Variants in HHAT observed in about 807,000 individuals in gnomAD.
HHAT encodes the protein protein-cysteine N-palmitoyltransferase HHAT.
HHAT carries 47 observed loss-of-function variants against 70.8 expected under a neutral mutation model. That is an observed-to-expected ratio of 0.66 (90% CI 0.53 to 0.85). HHAT has a LOEUF of 0.85. Among genes scored for constraint, HHAT ranks in the 40% least tolerant of loss-of-function variants. The pLI is 0.00. For synonymous variants in HHAT, 228 were observed against 247.6 expected, an observed-to-expected ratio of 0.92 and a Z score of 0.74; for missense variants, 609 against 604.8, an observed-to-expected ratio of 1.01 and a Z score of -0.07.
intron 11 of HHAT, among the ~76,000 whole-genome samples, chr1:210,629,928 C>T (rs1440037274): frequency 4.0e-5 from 6 of 151,826 alleles, no homozygotes; most frequent in East Asian, 1.9e-4. Context: ...CTGCAACCTC[C>T]GCCTCCGGGG....
intron 11 of HHAT, among the ~76,000 whole-genome samples, chr1:210,656,730 C>T (rs12131415): frequency 0.045 from 6,922 of 152,248 alleles, 233 homozygotes; most frequent in Non-Finnish European, 0.069. Flanking sequence ...TATAAGAGCC[C>T]TTGCCCCATC....
chr1:210,653,126 G>A (rs1422264147), intron 11 of HHAT, among the ~76,000 whole-genome samples: 1 of 140,972 alleles, frequency 7.1e-6, no homozygotes, highest in Non-Finnish European at 1.6e-5. Context: ...GATCAAAACA[G>A]CTTTATACAT....
intron 7 of HHAT, among the ~76,000 whole-genome samples, chr1:210,423,580 T>C (rs1217607770): frequency 6.6e-6 from 1 of 152,218 alleles, no homozygotes; most frequent in African/African-American, 2.4e-5. Context: ...TTTGTTTATT[T>C]TTGCTTTTGT....
At chr1:210,660,776 C>T (rs1574071616) in intron 11 of HHAT, among the ~76,000 whole-genome samples, 1 of 152,254 alleles carries the variant, frequency 6.6e-6, no homozygotes, top group East Asian at 1.9e-4. Flanking sequence ...CTATAACCAT[C>T]TGATGTTTGA....
At chr1:210,488,397 CAT>C (rs1166340862) in intron 8 of HHAT, among the ~76,000 whole-genome samples, 1 of 152,218 alleles carries the variant, frequency 6.6e-6, no homozygotes. Context: ...TTCCCTAACA[CAT>C]GATATGCTCT....
At chr1:210,463,107 C>T (rs1466547277) in intron 7 of HHAT, 1 of 151,776 alleles carries the variant, frequency 6.6e-6, no homozygotes, top group African/African-American at 2.4e-5. Flanking sequence ...CCTCCTTACC[C>T]CACTAGACCT....
At chr1:210,658,013 TG>T (rs1475302183) in intron 11 of HHAT, among the ~76,000 whole-genome samples, 2 of 152,238 alleles carry the variant, frequency 1.3e-5, no homozygotes, top group Non-Finnish European at 2.9e-5. Context: ...GTCTTATGAA[TG>T]GGTACTCTGA....
chr1:210,499,606 G>A (rs1243329261), intron 8 of HHAT, among the ~76,000 whole-genome samples: 6 of 151,562 alleles, frequency 4.0e-5, no homozygotes, highest in Non-Finnish European at 5.9e-5. Context: ...TTGTGCCACT[G>A]CACTCCAACC....
chr1:210,478,028 C>T (rs742566), intron 8 of HHAT, among the ~76,000 whole-genome samples: 25,495 of 152,090 alleles, frequency 0.17, 2,357 homozygotes, highest in East Asian at 0.43. Flanking sequence ...GATTAGGTCC[C>T]CTTCTTGCAG....
intron 7 of HHAT, among the ~76,000 whole-genome samples, chr1:210,420,200 AT>A (rs1241858192): frequency 4.6e-5 from 7 of 152,200 alleles, no homozygotes; most frequent in Admixed American, 4.6e-4. Flanking sequence ...AATCCTTAAA[AT>A]TGCATATGTT....
At chr1:210,385,403 C>T (rs1343971854) in intron 3 of HHAT, among the ~76,000 whole-genome samples, 2 of 152,058 alleles carry the variant, frequency 1.3e-5, no homozygotes, top group African/African-American at 4.8e-5. Context: ...AGTTAATTGA[C>T]TCTTGGCTAA....
intron 11 of HHAT, among the ~76,000 whole-genome samples, chr1:210,669,773 A>G (rs1679709373): frequency 6.6e-6 from 1 of 152,242 alleles, no homozygotes; most frequent in Non-Finnish European, 1.5e-5. Flanking sequence ...CTTCAGCCCT[A>G]AAGTACACTC....
chr1:210,461,581 C>A (rs897818604), intron 7 of HHAT, among the ~76,000 whole-genome samples: 1 of 151,686 alleles, frequency 6.6e-6, no homozygotes, highest in African/African-American at 2.4e-5. Context: ...GGACTACAGG[C>A]GTGAGCCACC....
intron 7 of HHAT, among the ~76,000 whole-genome samples, chr1:210,424,275 A>AT (rs953076742): frequency 5.3e-5 from 8 of 152,004 alleles, no homozygotes; most frequent in East Asian, 3.9e-4. Context: ...GTTATTTCAC[A>AT]TTTTTTTAGC....
Position 210,464,227 on chromosome 1 carries a change from T to A in HHAT, c.857-278T>A, listed in dbSNP as rs61061501. Among the ~76,000 whole-genome samples the A allele has an allele frequency of 1.3e-3, 199 of 152,302 alleles. 4 individuals are homozygous for A. In the East Asian group the frequency reaches 0.033, roughly 25 times the overall value. The stretch of plus-strand genomic sequence containing the variant: ...CCTTCGTAATAGTTTTTTAATGCAA[T>A]GTACACATTTTGGGCATTCTCTTTC... On this transcript the variant is annotated intron_variant, in intron 7 of 11. Coordinates refer to ENST00000261458, the MANE Select transcript of HHAT (RefSeq NM_018194.6).
intron 6 of HHAT, among the ~76,000 whole-genome samples, chr1:210,410,006 A>G (rs1420519630): frequency 1.3e-5 from 2 of 152,032 alleles, no homozygotes; most frequent in Admixed American, 6.6e-5. Context: ...TAGATGAGCT[A>G]TATATGGTCT....
intron 9 of HHAT, among the ~76,000 whole-genome samples, chr1:210,563,758 C>T (rs149404249): frequency 6.6e-6 from 1 of 152,270 alleles, no homozygotes; most frequent in Non-Finnish European, 1.5e-5. Flanking sequence ...TTCACCATGC[C>T]AAGTTACTTG....
At chr1:210,618,750 C>T (rs988150021) in intron 10 of HHAT, among the ~76,000 whole-genome samples, 3 of 152,220 alleles carry the variant, frequency 2.0e-5, no homozygotes, top group African/African-American at 7.2e-5. Flanking sequence ...CTGCAGCCCC[C>T]CATCCCCGGC....
At chr1:210,528,820 C>A (rs2095280862) in intron 9 of HHAT, among the ~76,000 whole-genome samples, 1 of 151,994 alleles carries the variant, frequency 6.6e-6, no homozygotes. Flanking sequence ...TCGGGCATAC[C>A]CTGCCGTCTG....
Sources: allele counts gnomAD v4.1 joint callset (sites outside exome capture counted in the v4.1 genomes callset), GRCh38; gene constraint gnomAD v4.1.1; transcripts MANE v1.5; gene names NCBI Gene and HGNC (gene_info 2026-07-23, HGNC 2026-07-21).